WFDC6: variants seen among roughly 807,000 people sequenced by gnomAD.
WFDC6 encodes the protein WAP four-disulfide core domain protein 6.
A neutral mutation model predicts 8.2 loss-of-function variants in WFDC6; 10 were observed. The observed-to-expected ratio is 1.22, with a 90% confidence interval of 0.75 to 2.07. The LOEUF (loss-of-function observed/expected upper bound fraction) is 2.07, where lower values mean the gene tolerates loss of function less well. WFDC6 is among the 30% of genes most tolerant of loss of function. The probability of loss-of-function intolerance (pLI) is 0.00; values close to 1 mark genes in which losing one functional copy is unlikely to be tolerated. For synonymous variants in WFDC6, 28 were observed against 37.0 expected (o/e 0.76, Z 0.88); for missense variants, 105 against 104.9 (o/e 1.00, Z 0.00).
chr20:45,536,024 T>G (rs1481460098), intron 2 of WFDC6, among the ~76,000 whole-genome samples: 1 of 152,232 alleles, frequency 6.6e-6, no homozygotes, highest in Non-Finnish European at 1.5e-5. Flanking sequence ...GGACATTGAC[T>G]CTTTTATGCA....
intron 2 of WFDC6, chr20:45,537,313 G>C: frequency 1.7e-6 from 1 of 589,104 alleles, no homozygotes; most frequent in Non-Finnish European, 3.0e-6. Flanking sequence ...TCATCTTTCA[G>C]ATCTTAAATC....
In WFDC6 at chr20:45,538,140, G is replaced by A. The variant is rs756565118; in HGVS notation, c.92-46C>T. 3 of 1,612,526 alleles carry A rather than the reference G, an allele frequency of 1.9e-6. No homozygotes were observed. In the South Asian group the frequency reaches 3.3e-5, roughly 18 times the overall value. On this transcript the variant is annotated intron_variant, in intron 1 of 2. Coordinates refer to ENST00000372670, the MANE Select transcript of WFDC6 (RefSeq NM_080827.2). ...TTCCCTCAAGGCCTTAAAGGAGCCA[G>A]TGCTCCCCCTCCCCGAGACCAGGGC...
intron 1 of WFDC6, 45 bp from the exon 2 acceptor site, chr20:45,538,139 A>C: frequency 1.2e-6 from 2 of 1,612,704 alleles, no homozygotes; most frequent in Non-Finnish European, 1.7e-6. Flanking sequence ...TAAAGGAGCC[A>C]GTGCTCCCCC....
At position 45,539,196 on chromosome 20, in the gene WFDC6, C is replaced by T. The variant is rs113884021; in HGVS notation, c.91+121G>A. 3 of 959,902 alleles carry T rather than the reference C, an allele frequency of 3.1e-6. No individual in the cohort carries two copies. The Admixed American group carries it at 6.3e-5, about 20-fold the overall frequency. 59.5% of individuals were successfully genotyped at this position (959,902 alleles called of 1,614,324 possible). ...AGACTTCAAATAGCTCCCCTCTTTC[C>T]CACCTGGAATTCCAGGCAGAGGTGG... is the stretch of plus-strand genomic sequence containing the variant. On this transcript the variant is annotated intron_variant, in intron 1 of 2. Transcript: ENST00000372670.
chr20:45,537,601 A>C (rs138183824), intron 2 of WFDC6: 1 of 1,518,636 alleles, frequency 6.6e-7, no homozygotes, highest in Non-Finnish European at 8.9e-7. Context: ...TCTTATAGCT[A>C]TCATATAACC....
Position 45,539,349 on chromosome 20 carries a change from TG to T in WFDC6, c.58del (p.Gln20ArgfsTer26). 2 of 1,613,974 alleles carry T rather than the reference TG, an allele frequency of 1.2e-6. No individual in the cohort carries two copies. The highest frequency in any genetic ancestry group is 4.5e-5 in the East Asian group (2 of 44,884). On this transcript the variant is annotated frameshift_variant, in exon 1 of 3. Coordinates refer to ENST00000372670, the MANE Select transcript of WFDC6 (RefSeq NM_080827.2). LOFTEE classifies it high-confidence loss of function. The stretch of plus-strand genomic sequence containing the variant: ...GATGCCTTCAGCGTGCCCAGGTTCC[TG>T]GATGTCCCCCAAAAGGATGAATGGT... ...LVPFILLGDI[Q>X]EPGHAEGILG...
At chr20:45,537,636 G>A (rs1218891984) in intron 2 of WFDC6, 9 of 1,362,558 alleles carry the variant, frequency 6.6e-6, no homozygotes, top group Non-Finnish European at 9.2e-6. Flanking sequence ...CATTTGATGA[G>A]ACTTTGGTGA....
At chr20:45,535,395 C>T (rs1979327522) in intron 2 of WFDC6, 9 of 1,221,004 alleles carry the variant, frequency 7.4e-6, no homozygotes, top group Admixed American at 6.3e-5. Flanking sequence ...CCATCTCTCC[C>T]CTTCTCTGGC....
At position 45,534,310 on chromosome 20, in the gene WFDC6, A is replaced by G. The variant is rs1171086405; in HGVS notation, c.*157T>C. 8.4e-6 allele frequency: 7 copies of G among 835,080 alleles called. No homozygotes were observed. The highest frequency in any genetic ancestry group is 7.3e-5 in the East Asian group (3 of 40,830). 51.7% of individuals were successfully genotyped at this position (835,080 alleles called of 1,614,324 possible). ...CTGAGAAGTGGTCAAGGGGAAGAGC[A>G]TTGTGTTTGAAGAGATGCTACGCTG... On this transcript the variant is annotated 3_prime_UTR_variant, in exon 3 of 3. Transcript: ENST00000372670.
At chr20:45,537,421 G>T in intron 2 of WFDC6, 1 of 1,093,936 alleles carries the variant, frequency 9.1e-7, no homozygotes, top group Non-Finnish European at 1.4e-6. Flanking sequence ...AATATTTGTT[G>T]AATGAATAGA....
chr20:45,537,620 T>A, intron 2 of WFDC6: 1 of 1,475,194 alleles, frequency 6.8e-7, no homozygotes. Flanking sequence ...CCTGACACAA[T>A]GTTGGCATTT....
intron 2 of WFDC6, among the ~76,000 whole-genome samples, chr20:45,536,557 A>G (rs977889171): frequency 1.3e-4 from 20 of 152,246 alleles, no homozygotes; most frequent in Non-Finnish European, 2.4e-4. Flanking sequence ...TCTTGAGGCC[A>G]CACAGATGGT....
intron 2 of WFDC6, chr20:45,537,407 A>G: frequency 2.0e-6 from 2 of 1,019,728 alleles, no homozygotes; most frequent in Non-Finnish European, 3.0e-6. Flanking sequence ...CAGGGGCACC[A>G]ATCAATATTT....
intron 2 of WFDC6, chr20:45,537,403 C>T: frequency 1.0e-6 from 1 of 986,728 alleles, no homozygotes; most frequent in East Asian, 2.6e-5. Flanking sequence ...GTGTCAGGGG[C>T]ACCAATCAAT....
chr20:45,538,735 A>G (rs1354348403), intron 1 of WFDC6, among the ~76,000 whole-genome samples: 2 of 152,156 alleles, frequency 1.3e-5, no homozygotes, highest in Non-Finnish European at 2.9e-5. Context: ...GCATAAGGAG[A>G]TTATGTGAAT....
chr20:45,534,606 A>G, intron 2 of WFDC6, 101 bp from the exon 3 acceptor site: 4 of 1,398,198 alleles, frequency 2.9e-6, no homozygotes, highest in South Asian at 1.3e-5. Context: ...TCATTTTTAC[A>G]TCTTTGGGCA....
rs754459047 is a variant in WFDC6 at position 45,539,402 on chromosome 20, T to C, written c.6A>G (p.Gly2=). 6.2e-6 allele frequency: 10 copies of C among 1,613,320 alleles called. No homozygotes were observed. The highest frequency in any genetic ancestry group is 4.5e-5 in the East Asian group (2 of 44,874). M[G]LSGLLPILVP... is the part of the protein sequence containing the mutation. ...CCAGGATTGGCAGAAGTCCTGAGAG[T>C]CCCATTTTAGGAAGTACTGGCCTGG... The change falls in exon 1 of 3, where the codon GGA becomes GGG. Residue 2 remains glycine (G), a synonymous_variant. Coordinates refer to ENST00000372670, the MANE Select transcript of WFDC6 (RefSeq NM_080827.2).
rs1342390499 is a variant in WFDC6 at position 45,539,368 on chromosome 20, T to C, written c.40A>G (p.Ile14Val). ...GGTTCCTGGATGTCCCCCAAAAGGATGAATGGTACCAGGATTGGCAGAAGT... is the reference window on the plus strand; with the variant it reads ...GGTTCCTGGATGTCCCCCAAAAGGACGAATGGTACCAGGATTGGCAGAAGT... ...SGLLPILVPF[I>V]LLGDIQEPGH... Residue 14 changes from isoleucine (I) to valine (V), a missense_variant, in exon 1 of 3, where the codon ATC (isoleucine) becomes GTC (valine). Ile to Val is a conservative substitution (Grantham distance 29). Transcript: ENST00000372670. 1.2e-6 allele frequency: 2 copies of C among 1,613,800 alleles called. No individual in the cohort carries two copies. The highest frequency in any genetic ancestry group is 3.3e-5 in the Admixed American group (2 of 59,982).
At chr20:45,538,427 T>C (rs1354602185) in intron 1 of WFDC6, among the ~76,000 whole-genome samples, 1 of 152,194 alleles carries the variant, frequency 6.6e-6, no homozygotes, top group African/African-American at 2.4e-5. Context: ...TGGCTCTCGA[T>C]GATTGAGATT....
Sources: gnomAD v4.1 joint callset for allele counts (sites outside exome capture counted in the v4.1 genomes callset) on GRCh38, gnomAD v4.1.1 for gene constraint, MANE v1.5 for transcripts, NCBI Gene and HGNC (gene_info 2026-07-23, HGNC 2026-07-21) for gene names.